Variants in TGFB2 observed in about 807,000 individuals in gnomAD.
TGFB2 encodes transforming growth factor beta-2 proprotein.
In TGFB2, 13 loss-of-function variants were observed where a neutral mutation model predicts 42.7. The observed-to-expected ratio is 0.30, with a 90% CI of 0.20 to 0.48. The LOEUF (loss-of-function observed/expected upper bound fraction) is 0.48. Ranked by LOEUF, TGFB2 falls within the 20% of genes least tolerant of loss-of-function variation. The pLI, the probability that TGFB2 is intolerant of heterozygous loss-of-function variation, is 0.99. For missense variants in TGFB2, 390 were observed against 517.5 expected (o/e 0.75, Z 2.39); for synonymous variants, 193 against 193.6 (o/e 1.00, Z 0.03).
intron 5 of TGFB2, 23 bp from the exon 6 acceptor site, chr1:218,437,320 C>CT (rs11285412): frequency 0.012 from 17,758 of 1,423,646 alleles, 50 homozygotes; most frequent in African/African-American, 0.047. Flanking sequence ...ATCTCCATTG[C>CT]TTTTTTTTTT....
At position 218,346,984 on chromosome 1, in the gene TGFB2, G is replaced by T; in HGVS notation, c.283G>T (p.Asp95Tyr). 1 of 1,613,224 alleles carries T rather than the reference G, an allele frequency of 6.2e-7. No individual in the cohort carries two copies. Among genetic ancestry groups the T allele is most frequent in the Non-Finnish European group, 8.5e-7 (1 of 1,179,578 alleles). The change falls in exon 1 of 7, where the codon GAC becomes TAC. Residue 95 changes from aspartate (D) to tyrosine (Y), a missense_variant. Asp to Tyr is a radical substitution (Grantham distance 160). Transcript: ENST00000366930. This position sits in a 1 kb window ranked among gnomAD's most constrained non-coding sequence, Gnocchi z 4.9. The part of the protein sequence containing the change: ...RAAACERERS[D>Y]EEYYAKEVYK... The stretch of plus-strand genomic sequence containing the variant: ...GGCCGCCTGCGAGCGCGAGAGGAGC[G>T]ACGAAGAGTACTACGCCAAGGAGGT...
intron 1 of TGFB2, among the ~76,000 whole-genome samples, chr1:218,366,214 A>G (rs1657381804): frequency 6.6e-6 from 1 of 152,232 alleles, no homozygotes; most frequent in African/African-American, 2.4e-5. Context: ...ATTAATAGTC[A>G]TGAAGGCAAA....
chr1:218,347,134 C>T, intron 1 of TGFB2, 87 bp downstream of exon 1: 3 of 1,284,732 alleles, frequency 2.3e-6, no homozygotes, highest in Non-Finnish European at 3.2e-6. Context: ...ATCGCCCTTC[C>T]CTCTCGCGGT....
chr1:218,366,550 G>A (rs1407609353), intron 1 of TGFB2, among the ~76,000 whole-genome samples: 1 of 152,114 alleles, frequency 6.6e-6, no homozygotes, highest in African/African-American at 2.4e-5. Context: ...ACCTCACACA[G>A]TCCTCCTGCC....
chr1:218,347,590 G>C (rs997043728), intron 1 of TGFB2, among the ~76,000 whole-genome samples: 1 of 152,050 alleles, frequency 6.6e-6, no homozygotes, highest in Admixed American at 6.6e-5. Flanking sequence ...CAGCATCGCC[G>C]AGACAAAACC....
At position 218,346,807 on chromosome 1, in the gene TGFB2, A is replaced by C. The variant is rs10482720; in HGVS notation, c.106A>C (p.Arg36=). The C allele has an allele frequency of 1.2e-6, 2 of 1,614,196 alleles. No homozygotes were observed. The highest frequency in any genetic ancestry group is 1.7e-5 in the Admixed American group (1 of 60,020). The change falls in exon 1 of 7, where the codon AGG becomes CGG. Residue 36 remains arginine, a synonymous_variant. Coordinates refer to ENST00000366930, the MANE Select transcript of TGFB2 (RefSeq NM_003238.6). The surrounding 1 kb of genome is among the most constrained non-coding windows in gnomAD (Gnocchi z 4.9). The part of the protein sequence containing the change: ...TLDMDQFMRK[R]IEAIRGQILS... ...CGATATGGACCAGTTCATGCGCAAG[A>C]GGATCGAGGCGATCCGCGGGCAGAT...
intron 6 of TGFB2, among the ~76,000 whole-genome samples, chr1:218,440,411 G>T (rs1392722745): frequency 2.6e-5 from 4 of 151,498 alleles, no homozygotes; most frequent in African/African-American, 7.3e-5. Context: ...AACGTAGAAA[G>T]ATTTCATTTC....
intron 1 of TGFB2, among the ~76,000 whole-genome samples, chr1:218,350,055 A>G (rs1361998442): frequency 6.6e-6 from 1 of 152,240 alleles, no homozygotes; most frequent in Non-Finnish European, 1.5e-5. Context: ...TAGTTTAACA[A>G]TCCATTTGAA....
At chr1:218,391,017 G>A (rs778132683) in intron 1 of TGFB2, among the ~76,000 whole-genome samples, 2 of 152,238 alleles carry the variant, frequency 1.3e-5, no homozygotes, top group Admixed American at 6.5e-5. Flanking sequence ...CGTTTCTTCC[G>A]AGCAATGCTT....
chr1:218,366,906 A>G (rs1657404996), intron 1 of TGFB2, among the ~76,000 whole-genome samples: 1 of 152,176 alleles, frequency 6.6e-6, no homozygotes, highest in Non-Finnish European at 1.5e-5. Flanking sequence ...GTGACCCTGA[A>G]CCTACAGCCC....
At chr1:218,398,823 G>A (rs571964550) in intron 1 of TGFB2, among the ~76,000 whole-genome samples, 166 of 152,224 alleles carry the variant, frequency 1.1e-3, no homozygotes, top group African/African-American at 1.5e-3. Context: ...TTGACCTCGC[G>A]ATCTGCCTGC....
chr1:218,415,699 GAAAAAAAAA>G (rs1174137652), intron 2 of TGFB2, among the ~76,000 whole-genome samples: 27 of 61,674 alleles, frequency 4.4e-4, no homozygotes, highest in South Asian at 1.1e-3. Flanking sequence ...TGTCTCAAAA[GAAAAAAAAA>G]AAAAAAAAAA....
intron 1 of TGFB2, among the ~76,000 whole-genome samples, chr1:218,382,444 T>C (rs1257763303): frequency 6.6e-6 from 1 of 152,146 alleles, no homozygotes; most frequent in Admixed American, 6.6e-5. Flanking sequence ...GAGTAATAGG[T>C]GCCCCAAGAC....
At chr1:218,436,820 G>T (rs1659986844) in intron 5 of TGFB2, among the ~76,000 whole-genome samples, 1 of 152,180 alleles carries the variant, frequency 6.6e-6, no homozygotes, top group Admixed American at 6.5e-5. Context: ...TCCAGTGGTT[G>T]CCCTCAGCAA....
intron 1 of TGFB2, among the ~76,000 whole-genome samples, chr1:218,370,444 C>A (rs1657534312): frequency 6.6e-6 from 1 of 152,062 alleles, no homozygotes; most frequent in Non-Finnish European, 1.5e-5. Flanking sequence ...TACAAGGGAA[C>A]AACTTTGAAA....
At chr1:218,388,209 A>G (rs1041553122) in intron 1 of TGFB2, among the ~76,000 whole-genome samples, 1 of 152,158 alleles carries the variant, frequency 6.6e-6, no homozygotes, top group Non-Finnish European at 1.5e-5. Context: ...CAATAAAAGG[A>G]AGCAAAGGGA....
At chr1:218,395,611 CTT>C (rs35666134) in intron 1 of TGFB2, among the ~76,000 whole-genome samples, 55 of 138,568 alleles carry the variant, frequency 4.0e-4, no homozygotes, top group African/African-American at 9.6e-4. Context: ...TTTTCTTTTT[CTT>C]TTTTTTTTTT....
chr1:218,362,099 G>C (rs371380727), intron 1 of TGFB2, among the ~76,000 whole-genome samples: 111 of 152,316 alleles, frequency 7.3e-4, no homozygotes, highest in Admixed American at 1.2e-3. Context: ...GTAAGTTCCA[G>C]AGTATGGAAA....
chr1:218,384,017 T>C (rs566999693), intron 1 of TGFB2, among the ~76,000 whole-genome samples: 1 of 152,340 alleles, frequency 6.6e-6, no homozygotes, highest in African/African-American at 2.4e-5. Flanking sequence ...TTAACAGTTC[T>C]GTGAAAATGA....
Sources: gnomAD v4.1 joint callset for allele counts (sites outside exome capture counted in the v4.1 genomes callset) on GRCh38, gnomAD v4.1.1 for gene constraint, Gnocchi (gnomAD v3.1) non-coding constraint, MANE v1.5 for transcripts, NCBI Gene and HGNC (gene_info 2026-07-23, HGNC 2026-07-21) for gene names.